Variants in ARHGAP31 observed in about 807,000 individuals in gnomAD.
ARHGAP31 encodes Rho GTPase activating protein 31, also known as rho GTPase-activating protein 31.
ARHGAP31 carries 34 observed loss-of-function variants against 113.9 expected under a neutral mutation model. The ratio of observed to expected loss-of-function variants is 0.30; its 90% CI spans 0.23 to 0.40. The LOEUF is 0.40. Among genes scored for constraint, ARHGAP31 ranks in the 10% least tolerant of loss-of-function variants. The pLI, the probability that ARHGAP31 is intolerant of heterozygous loss-of-function variation, is 1.00. For synonymous variants in ARHGAP31, 650 were observed against 684.8 expected, an observed-to-expected ratio of 0.95 and a Z score of 0.79; for missense variants, 1,548 against 1,767.1, an observed-to-expected ratio of 0.88 and a Z score of 2.22.
At chr3:119,326,209 A>G (rs2079842735) in intron 1 of ARHGAP31, among the ~76,000 whole-genome samples, 6 of 152,186 alleles carry the variant, frequency 3.9e-5, no homozygotes, top group Admixed American at 3.9e-4. Flanking sequence ...AAAAGTAATA[A>G]TAATAATAAA....
chr3:119,368,348 A>G, intron 2 of ARHGAP31, 24 bp from the exon 3 acceptor site: 1 of 1,613,892 alleles, frequency 6.2e-7, no homozygotes, highest in Non-Finnish European at 8.5e-7. Flanking sequence ...TGGGATTGTT[A>G]TGTCTCCGTC....
chr3:119,380,779 T>G (rs1383566934), intron 3 of ARHGAP31, 125 bp from the exon 4 acceptor site: 1 of 806,042 alleles, frequency 1.2e-6, no homozygotes, highest in Non-Finnish European at 2.1e-6. Context: ...GCATGCCTCT[T>G]GGAAGGATGA....
At chr3:119,295,098 G>A in intron 1 of ARHGAP31, 94 bp downstream of exon 1, 1 of 1,159,144 alleles carries the variant, frequency 8.6e-7, no homozygotes, top group South Asian at 1.2e-5. Flanking sequence ...CGGTTCACAA[G>A]TTAATGTATT....
intron 1 of ARHGAP31, among the ~76,000 whole-genome samples, chr3:119,349,979 C>T (rs1038017096): frequency 6.6e-6 from 1 of 152,190 alleles, no homozygotes; most frequent in African/African-American, 2.4e-5. Flanking sequence ...AAAGCATGAA[C>T]ACCAAAGAGA....
In ARHGAP31 at chr3:119,294,743, G is replaced by C. The variant is rs2107588966; in HGVS notation, c.-162G>C. The C allele has an allele frequency of 1.4e-6, 1 of 692,206 alleles. No individual in the cohort carries two copies. The highest frequency in any genetic ancestry group is 2.3e-5 in the Admixed American group (1 of 43,738). 42.9% of individuals were successfully genotyped at this position (692,206 alleles called of 1,614,324 possible). A position where few individuals can be genotyped will look rare whatever the true frequency, so the allele number is the denominator to read the frequency against. On this transcript the variant is annotated 5_prime_UTR_variant, in exon 1 of 12. Transcript: ENST00000264245. ...CTCAGGCTCTGCCGGCCCGCGGCCC[G>C]CGGGGTCCATGCGCAGGGCCCCCAG...
At chr3:119,327,098 C>T (rs1330112565) in intron 1 of ARHGAP31, among the ~76,000 whole-genome samples, 2 of 151,990 alleles carry the variant, frequency 1.3e-5, no homozygotes, top group Admixed American at 6.6e-5. Context: ...TGAGATGGCG[C>T]CACTGCACTC....
intron 1 of ARHGAP31, among the ~76,000 whole-genome samples, chr3:119,307,013 A>G (rs2079636525): frequency 2.0e-5 from 3 of 147,854 alleles, no homozygotes; most frequent in African/African-American, 7.7e-5. Context: ...TTCAATCTTT[A>G]TTTTTAGAAA....
intron 1 of ARHGAP31, among the ~76,000 whole-genome samples, chr3:119,354,270 G>A (rs1447842081): frequency 1.3e-5 from 2 of 152,142 alleles, no homozygotes; most frequent in African/African-American, 4.8e-5. Flanking sequence ...TAGAACTTGG[G>A]TCACTGATTT....
intron 1 of ARHGAP31, among the ~76,000 whole-genome samples, chr3:119,303,160 T>G (rs1020841793): frequency 6.6e-6 from 1 of 152,216 alleles, no homozygotes; most frequent in Non-Finnish European, 1.5e-5. Flanking sequence ...TCACTGTGGC[T>G]CTCTCAGGGT....
At chr3:119,410,490 C>T (rs951200156) in intron 11 of ARHGAP31, among the ~76,000 whole-genome samples, 4 of 152,140 alleles carry the variant, frequency 2.6e-5, no homozygotes, top group Admixed American at 6.5e-5. Context: ...ACAAAAGAAC[C>T]ATGTGCTGGG....
At chr3:119,376,442 T>C (rs1405191804) in intron 3 of ARHGAP31, among the ~76,000 whole-genome samples, 2 of 152,170 alleles carry the variant, frequency 1.3e-5, no homozygotes, top group Non-Finnish European at 2.9e-5. Context: ...ATTCCCCTGC[T>C]CCGTCTCCCA....
chr3:119,335,390 G>C (rs1292143036), intron 1 of ARHGAP31, among the ~76,000 whole-genome samples: 1 of 152,182 alleles, frequency 6.6e-6, no homozygotes, highest in East Asian at 1.9e-4. Context: ...TGTAGGAACT[G>C]ACCACCATTT....
At chr3:119,385,511 T>A (rs1056367719) in intron 6 of ARHGAP31, among the ~76,000 whole-genome samples, 1 of 152,184 alleles carries the variant, frequency 6.6e-6, no homozygotes, top group Non-Finnish European at 1.5e-5. Context: ...CAGTTATAGA[T>A]TTTTTTCTTT....
At chr3:119,396,281 C>T (rs1227687089) in intron 8 of ARHGAP31, among the ~76,000 whole-genome samples, 2 of 152,174 alleles carry the variant, frequency 1.3e-5, no homozygotes, top group African/African-American at 4.8e-5. Flanking sequence ...CTCAGAAGTT[C>T]TGTGGTGAGG....
intron 1 of ARHGAP31, among the ~76,000 whole-genome samples, chr3:119,348,657 C>T (rs1427082067): frequency 6.6e-6 from 1 of 152,200 alleles, no homozygotes. Flanking sequence ...CTCTAGATTA[C>T]TTATATCTAA....
At chr3:119,387,079 G>C (rs1919588) in intron 6 of ARHGAP31, among the ~76,000 whole-genome samples, 6 of 151,112 alleles carry the variant, frequency 4.0e-5, no homozygotes, top group Admixed American at 3.3e-4. Context: ...GGAGGAGCAG[G>C]GTCTTCTCTA....
At chr3:119,300,711 C>T (rs1339890948) in intron 1 of ARHGAP31, among the ~76,000 whole-genome samples, 5 of 151,822 alleles carry the variant, frequency 3.3e-5, no homozygotes, top group Non-Finnish European at 5.9e-5. Flanking sequence ...TCTGTTATCC[C>T]AGCTACTTGG....
chr3:119,329,692 G>T, intron 1 of ARHGAP31: 1 of 612,526 alleles, frequency 1.6e-6, no homozygotes, highest in Non-Finnish European at 2.0e-6. Flanking sequence ...GGTTACAGTG[G>T]GGAACTTCGA....
At chr3:119,309,325 G>A (rs1433584269) in intron 1 of ARHGAP31, among the ~76,000 whole-genome samples, 2 of 152,230 alleles carry the variant, frequency 1.3e-5, no homozygotes, top group African/African-American at 2.4e-5. Flanking sequence ...AGTAATATGT[G>A]TTCAGCCTTG....
Sources: gnomAD v4.1 joint callset for allele counts (sites outside exome capture counted in the v4.1 genomes callset) on GRCh38, gnomAD v4.1.1 for gene constraint, MANE v1.5 for transcripts, NCBI Gene and HGNC (gene_info 2026-07-23, HGNC 2026-07-21) for gene names.